Variants in TTC28 observed in about 807,000 individuals in gnomAD.
The protein encoded by TTC28 is tetratricopeptide repeat protein 28.
Under a neutral mutation model 198.0 loss-of-function variants are expected in TTC28, and 61 were observed. That is an observed-to-expected ratio of 0.31 (90% confidence interval 0.25 to 0.38). The LOEUF (loss-of-function observed/expected upper bound fraction) is 0.38, where lower values mean the gene tolerates loss of function less well. TTC28 is among the 10% of genes least tolerant of loss of function. TTC28 has a pLI of 1.00. For synonymous variants in TTC28, 1,171 were observed against 1,297.8 expected (o/e 0.90, Z 2.10); for missense variants, 2,678 against 3,164.0 (o/e 0.85, Z 3.69).
At chr22:28,405,801 C>T (rs2046989989) in intron 2 of TTC28, among the ~76,000 whole-genome samples, 1 of 152,230 alleles carries the variant, frequency 6.6e-6, no homozygotes, top group African/African-American at 2.4e-5. Flanking sequence ...TTTACCATTG[C>T]CATGGTAATA....
At chr22:28,271,562 G>A (rs1461226064) in intron 5 of TTC28, among the ~76,000 whole-genome samples, 2 of 152,054 alleles carry the variant, frequency 1.3e-5, no homozygotes, top group Admixed American at 1.3e-4. Context: ...TCATGGGGGC[G>A]GTTTTCCCCA....
At chr22:28,347,305 G>C (rs909214762) in intron 2 of TTC28, among the ~76,000 whole-genome samples, 1 of 150,246 alleles carries the variant, frequency 6.7e-6, no homozygotes, top group Admixed American at 6.7e-5. Flanking sequence ...AAAAAAGAAA[G>C]ACTCTTGAAA....
At chr22:28,214,567 C>T (rs1927220451) in intron 5 of TTC28, among the ~76,000 whole-genome samples, 1 of 152,202 alleles carries the variant, frequency 6.6e-6, no homozygotes, top group Non-Finnish European at 1.5e-5. Flanking sequence ...AAATGCAAAT[C>T]AAAACCACAA....
chr22:28,555,687 T>C (rs2049774982), intron 2 of TTC28, among the ~76,000 whole-genome samples: 1 of 152,066 alleles, frequency 6.6e-6, no homozygotes, highest in East Asian at 1.9e-4. Flanking sequence ...CTTTGGGGAT[T>C]ACAGGGAAAG....
intron 2 of TTC28, among the ~76,000 whole-genome samples, chr22:28,610,195 C>G (rs1453794719): frequency 2.0e-5 from 3 of 152,170 alleles, no homozygotes; most frequent in African/African-American, 7.2e-5. Flanking sequence ...CCTGACAGCT[C>G]TCAAGAGAGC....
intron 2 of TTC28, among the ~76,000 whole-genome samples, chr22:28,413,060 T>C (rs923703741): frequency 2.6e-5 from 4 of 152,194 alleles, no homozygotes; most frequent in African/African-American, 9.7e-5. Context: ...ATATATCTAA[T>C]GCCTAGGAGC....
intron 11 of TTC28, among the ~76,000 whole-genome samples, chr22:28,095,046 C>T (rs1426962187): frequency 2.0e-5 from 3 of 152,008 alleles, no homozygotes; most frequent in African/African-American, 7.3e-5. Context: ...AAATCATGTC[C>T]CCAAGATGTA....
chr22:28,411,056 A>G (rs2047073515), intron 2 of TTC28, among the ~76,000 whole-genome samples: 1 of 152,072 alleles, frequency 6.6e-6, no homozygotes, highest in Admixed American at 6.5e-5. Flanking sequence ...TTTATTTTCA[A>G]GTTTGTGTAA....
chr22:28,194,004 A>C (rs887525396), intron 5 of TTC28, among the ~76,000 whole-genome samples: 1 of 152,060 alleles, frequency 6.6e-6, no homozygotes, highest in Non-Finnish European at 1.5e-5. Context: ...GCACCACATC[A>C]CACTTATTCC....
chr22:28,082,638 A>G (rs989945658), intron 12 of TTC28, among the ~76,000 whole-genome samples: 3 of 152,182 alleles, frequency 2.0e-5, no homozygotes, highest in Admixed American at 6.5e-5. Context: ...GTATTATTGA[A>G]TTCAGTTTGC....
chr22:28,367,036 A>C (rs1949645029), intron 2 of TTC28, among the ~76,000 whole-genome samples: 2 of 152,044 alleles, frequency 1.3e-5, no homozygotes, highest in Non-Finnish European at 2.9e-5. Context: ...TCTCCCAGAC[A>C]AAAAAATCAA....
chr22:28,040,669 C>A (rs1037675542), intron 12 of TTC28, among the ~76,000 whole-genome samples: 1 of 152,138 alleles, frequency 6.6e-6, no homozygotes, highest in African/African-American at 2.4e-5. Context: ...CCTTTGAAAA[C>A]CGGTACAAGA....
chr22:28,208,661 C>T (rs982341419), intron 5 of TTC28, among the ~76,000 whole-genome samples: 5 of 152,158 alleles, frequency 3.3e-5, no homozygotes, highest in Non-Finnish European at 5.9e-5. Context: ...AATTACTATG[C>T]TATGAATTCA....
rs921894252 is a variant in TTC28 at position 27,979,518 on chromosome 22, T to C, written c.*2703A>G. 6.6e-6 allele frequency: 1 copy of C among 151,026 alleles called. No homozygotes were observed. Among genetic ancestry groups the C allele is most frequent in the African/African-American group, 2.4e-5 (1 of 41,036 alleles). 9.4% of individuals were successfully genotyped at this position (151,026 alleles called of 1,614,324 possible). A position where few individuals can be genotyped will look rare whatever the true frequency, so the allele number is the denominator to read the frequency against. ...AAGGCCAGGTATTGAATATTTTATG[T>C]GGTGTGGGCCAAAGGCAAAATCAAA... is the stretch of plus-strand genomic sequence containing the variant. On this transcript the variant is annotated 3_prime_UTR_variant, in exon 23 of 23. Coordinates refer to ENST00000397906, the MANE Select transcript of TTC28 (RefSeq NM_001145418.2).
chr22:27,983,122 C>T lies in TTC28; in HGVS notation c.6545G>A (p.Arg2182Lys), dbSNP rs759543750. 3 of 1,551,694 alleles carry T rather than the reference C, an allele frequency of 1.9e-6. No individual in the cohort carries two copies. The highest frequency in any genetic ancestry group is 2.6e-6 in the Non-Finnish European group (3 of 1,147,036). The change falls in exon 23 of 23, where the codon AGG becomes AAG. Residue 2182 changes from arginine (R) to lysine (K), a missense_variant. Coordinates refer to ENST00000397906, the MANE Select transcript of TTC28 (RefSeq NM_001145418.2). Reference sequence around the variant, plus strand: ...ACTCTTGCTCACCTGGCCGCCGCTCCTCTGAAGACGCTCCACCGCAATGAG... The same window carrying T: ...ACTCTTGCTCACCTGGCCGCCGCTCTTCTGAAGACGCTCCACCGCAATGAG... ...SHLIAVERLQ[R>K]SGGQVSKSNN...
At chr22:28,578,022 T>C (rs976314290) in intron 2 of TTC28, among the ~76,000 whole-genome samples, 2 of 152,150 alleles carry the variant, frequency 1.3e-5, no homozygotes, top group African/African-American at 4.8e-5. Flanking sequence ...TCTGGTTGTT[T>C]TGTGGTCTTC....
chr22:28,412,409 G>A (rs2047095366), intron 2 of TTC28, among the ~76,000 whole-genome samples: 1 of 152,158 alleles, frequency 6.6e-6, no homozygotes, highest in Non-Finnish European at 1.5e-5. Context: ...TCTCTGCCAA[G>A]TTTGGAAAAT....
intron 12 of TTC28, among the ~76,000 whole-genome samples, chr22:28,048,071 T>A (rs1012322699): frequency 2.0e-5 from 3 of 152,032 alleles, no homozygotes; most frequent in African/African-American, 7.2e-5. Flanking sequence ...GCCATTCTTG[T>A]CAACCTAGGA....
chr22:28,271,103 G>T (rs936597074), intron 5 of TTC28, among the ~76,000 whole-genome samples: 17 of 151,160 alleles, frequency 1.1e-4, no homozygotes, highest in African/African-American at 3.6e-4. Context: ...ATTCTTTGTG[G>T]TTTTTTCAGT....
Sources: gnomAD v4.1 joint callset for allele counts (sites outside exome capture counted in the v4.1 genomes callset) on GRCh38, gnomAD v4.1.1 for gene constraint, MANE v1.5 for transcripts, NCBI Gene and HGNC (gene_info 2026-07-23, HGNC 2026-07-21) for gene names.